The following UBOX5 variants were observed in gnomAD, a reference collection of about 807,000 sequenced individuals.
UBOX5 encodes the protein U-box domain containing 5.
A neutral mutation model predicts 39.0 loss-of-function variants in UBOX5; 28 were observed. That is an observed-to-expected ratio of 0.72 (90% CI 0.53 to 0.98). UBOX5 has a LOEUF of 0.98. Ranked by LOEUF, UBOX5 falls within the 50% of genes least tolerant of loss-of-function variation. UBOX5 has a pLI of 0.00. For missense variants in UBOX5, 585 were observed against 674.4 expected (o/e 0.87, Z 1.47); for synonymous variants, 283 against 275.5 (o/e 1.03, Z -0.27).
In UBOX5 at chr20:3,122,588, G is replaced by T; in HGVS notation, c.55-4C>A. 6.4e-7 allele frequency: 1 copy of T among 1,552,104 alleles called. No individual in the cohort carries two copies. The highest frequency in any genetic ancestry group is 1.2e-5 in the South Asian group (1 of 81,436). On this transcript the variant is annotated splice_region_variant and splice_polypyrimidine_tract_variant and intron_variant, in intron 2 of 4. Coordinates refer to ENST00000217173, the MANE Select transcript of UBOX5 (RefSeq NM_014948.4). ...CTTCGTAACCATCAGCTGATATCTAGATTTAATAAAAAACACAAGATACAA... is the reference window on the plus strand; with the variant it reads ...CTTCGTAACCATCAGCTGATATCTATATTTAATAAAAAACACAAGATACAA...
rs529836855 is a variant in UBOX5 at position 3,139,804 on chromosome 20, G to A, written c.-41-16398C>T. Among the ~76,000 whole-genome samples, 51 of 151,434 alleles carry A rather than the reference G, an allele frequency of 3.4e-4. 1 individual carries two copies. In the East Asian group the frequency reaches 9.9e-3, roughly 29 times the overall value. On this transcript the variant is annotated intron_variant, in intron 1 of 4. Transcript: ENST00000217173. The stretch of plus-strand genomic sequence containing the variant: ...GGCTCACTGCAACCTCCGTCTCCTG[G>A]GTTCAAGCGATTCTCCTGCCTCAGC...
rs751273447 is a variant in UBOX5 at position 3,147,645 on chromosome 20, G to T, written c.-42+12121C>A. On this transcript the variant is annotated intron_variant, in intron 1 of 4. Coordinates refer to ENST00000217173, the MANE Select transcript of UBOX5 (RefSeq NM_014948.4). ...TACTCCAAAAATGCCAGGCCCAGCA[G>T]GCAGGTGGGCAGGTGTTCTGGGTAC... The T allele has an allele frequency of 3.1e-6, 5 of 1,614,096 alleles. No individual in the cohort carries two copies. The African/African-American group carries it at 6.7e-5, about 22-fold the overall frequency.
In UBOX5 at chr20:3,141,110, G is replaced by T. The variant is rs564394017; in HGVS notation, c.-41-17704C>A. 1.6e-4 allele frequency among the ~76,000 whole-genome samples: 24 copies of T among 151,514 alleles called. No homozygotes were observed. The South Asian group carries it at 4.4e-3, about 28-fold the overall frequency. Reference sequence around the variant, plus strand: ...ATTTCTGTATTTTCAGTAGAGACGGGGTTTCAACATGTTGGACAGGCTAGT... The same window carrying T: ...ATTTCTGTATTTTCAGTAGAGACGGTGTTTCAACATGTTGGACAGGCTAGT... On this transcript the variant is annotated intron_variant, in intron 1 of 4. Coordinates refer to ENST00000217173, the MANE Select transcript of UBOX5 (RefSeq NM_014948.4).
intron 1 of UBOX5, chr20:3,147,918 T>C: frequency 6.2e-7 from 1 of 1,614,196 alleles, no homozygotes. Flanking sequence ...AGGGAAGGAA[T>C]TCGCTGAGGA....
chr20:3,147,278 A>G, intron 1 of UBOX5: 1 of 1,614,246 alleles, frequency 6.2e-7, no homozygotes, highest in South Asian at 1.1e-5. Context: ...TAATGGCTTC[A>G]GGTTAACATC....
At chr20:3,125,040 C>A (rs1284501688) in intron 1 of UBOX5, among the ~76,000 whole-genome samples, 2 of 147,784 alleles carry the variant, frequency 1.4e-5, no homozygotes, top group Non-Finnish European at 3.0e-5. Context: ...GGCAGCCACC[C>A]CATCTGGTAA....
At chr20:3,127,161 G>A (rs2066396954) in intron 1 of UBOX5, among the ~76,000 whole-genome samples, 1 of 152,008 alleles carries the variant, frequency 6.6e-6, no homozygotes, top group African/African-American at 2.4e-5. Flanking sequence ...CCCTCGCAGT[G>A]GCAGACCTCT....
At chr20:3,119,283 C>A (rs2066316539) in intron 3 of UBOX5, among the ~76,000 whole-genome samples, 1 of 152,164 alleles carries the variant, frequency 6.6e-6, no homozygotes, top group Admixed American at 6.5e-5. Context: ...AGGCCTCAGT[C>A]CAACAATGCA....
At chr20:3,155,610 T>C (rs113598147) in intron 1 of UBOX5, among the ~76,000 whole-genome samples, 87 of 152,294 alleles carry the variant, frequency 5.7e-4, no homozygotes, top group African/African-American at 1.8e-3. Context: ...GTTTAAACCA[T>C]GTACATGTAC....
intron 1 of UBOX5, among the ~76,000 whole-genome samples, chr20:3,155,068 A>AAAG (rs1555765479): frequency 3.9e-4 from 52 of 132,070 alleles, no homozygotes; most frequent in East Asian, 1.4e-3. Context: ...AAAAAAAAAA[A>AAAG]AAAAGAAAAG....
chr20:3,138,994 GAAGAA>G (rs1402468991), intron 1 of UBOX5, among the ~76,000 whole-genome samples: 1 of 152,136 alleles, frequency 6.6e-6, no homozygotes, highest in Non-Finnish European at 1.5e-5. Context: ...AAAAAAAGAA[GAAGAA>G]AAGATTACCT....
At chr20:3,120,380 G>A (rs2066325217) in intron 3 of UBOX5, among the ~76,000 whole-genome samples, 1 of 147,106 alleles carries the variant, frequency 6.8e-6, no homozygotes, top group African/African-American at 2.6e-5. Context: ...CGAGTGCAGT[G>A]GCTTACATCT....
At chr20:3,113,460 T>C (rs531535826) in intron 4 of UBOX5, among the ~76,000 whole-genome samples, 4 of 152,028 alleles carry the variant, frequency 2.6e-5, no homozygotes, top group African/African-American at 7.2e-5. Flanking sequence ...AAGTGGAGCA[T>C]GGTGATGGGC....
chr20:3,154,322 T>C (rs890573127), intron 1 of UBOX5, among the ~76,000 whole-genome samples: 1 of 152,138 alleles, frequency 6.6e-6, no homozygotes, highest in Non-Finnish European at 1.5e-5. Context: ...CAAAAAGCCA[T>C]GCTAATAAAA....
Position 3,124,998 on chromosome 20 carries a change from C to T in UBOX5, c.-41-1592G>A, listed in dbSNP as rs184703225. On this transcript the variant is annotated intron_variant, in intron 1 of 4. Coordinates refer to ENST00000217173, the MANE Select transcript of UBOX5 (RefSeq NM_014948.4). ...ACTGAGGAGCGCCTCTGCCCGGCCG[C>T]CCCGTCTGAGAAGTGAGGAGCACCT... Among the ~76,000 whole-genome samples, 825 of 151,028 alleles carry T rather than the reference C, an allele frequency of 5.5e-3. 2 individuals carry two copies. Among genetic ancestry groups the T allele is most frequent in the Admixed American group, 8.3e-3 (126 of 15,194 alleles).
intron 1 of UBOX5, among the ~76,000 whole-genome samples, chr20:3,154,655 CAG>C (rs1017677607): frequency 1.8e-4 from 28 of 151,994 alleles, no homozygotes; most frequent in African/African-American, 6.5e-4. Flanking sequence ...GGCAGGGTGA[CAG>C]AGAGAGACCC....
chr20:3,109,954 T>TATA lies in UBOX5; in HGVS notation c.*151_*152insTAT. The stretch of plus-strand genomic sequence containing the variant: ...TATTGCCACCAGCGCAGAAGCAATG[T>TATA]GCTATACCGTGAGGTGATGAAGAAG... On this transcript the variant is annotated 3_prime_UTR_variant, in exon 5 of 5. Transcript: ENST00000217173. 2 of 844,530 alleles carry TATA rather than the reference T, an allele frequency of 2.4e-6. No individual in the cohort carries two copies. The highest frequency in any genetic ancestry group is 3.7e-6 in the Non-Finnish European group (2 of 539,910). The allele number at this position is 844,530 out of a possible 1,614,324, so 52.3% of individuals were successfully genotyped here. A position where few individuals can be genotyped will look rare whatever the true frequency, so the allele number is the denominator to read the frequency against.
At chr20:3,115,194 G>A in intron 4 of UBOX5, 111 bp downstream of exon 4, 1 of 1,373,272 alleles carries the variant, frequency 7.3e-7, no homozygotes, top group Non-Finnish European at 9.6e-7. Context: ...AACTGACGGG[G>A]AGGCTGGCCA....
chr20:3,153,760 C>G (rs1387062874), intron 1 of UBOX5, among the ~76,000 whole-genome samples: 3 of 152,122 alleles, frequency 2.0e-5, no homozygotes, highest in Admixed American at 6.5e-5. Flanking sequence ...GTTGAGTATC[C>G]CTTGTCCAAA....
Sources: gnomAD v4.1 joint callset for allele counts (sites outside exome capture counted in the v4.1 genomes callset) on GRCh38, gnomAD v4.1.1 for gene constraint, MANE v1.5 for transcripts, NCBI Gene and HGNC (gene_info 2026-07-23, HGNC 2026-07-21) for gene names.